The following CDIN1 variants were observed in gnomAD, a reference collection of about 807,000 sequenced individuals.
CDIN1 encodes CDAN1 interacting nuclease 1.
CDIN1 carries 33 observed loss-of-function variants against 45.3 expected under a neutral mutation model. The ratio of observed to expected loss-of-function variants is 0.73; its 90% CI spans 0.55 to 0.97. CDIN1 has a LOEUF of 0.97. Ranked by LOEUF, CDIN1 falls within the 50% of genes least tolerant of loss-of-function variation. The probability of loss-of-function intolerance (pLI) is 0.00; values close to 1 mark genes in which losing one functional copy is unlikely to be tolerated. For synonymous variants in CDIN1, 118 were observed against 124.4 expected, an observed-to-expected ratio of 0.95 and a Z score of 0.34; for missense variants, 303 against 339.4, an observed-to-expected ratio of 0.89 and a Z score of 0.84.
chr15:36,607,111 G>A (rs2038414071), intron 1 of CDIN1, among the ~76,000 whole-genome samples: 1 of 152,158 alleles, frequency 6.6e-6, no homozygotes, highest in Non-Finnish European at 1.5e-5. Context: ...AATTTTAAGT[G>A]TCACTGGAAA....
At chr15:36,619,004 C>T in intron 1 of CDIN1, 2 of 1,499,676 alleles carry the variant, frequency 1.3e-6, no homozygotes, top group South Asian at 2.5e-5. Flanking sequence ...CTTGTGTAGC[C>T]ACTATGGGAA....
At chr15:36,791,299 G>T (rs762057074) in intron 10 of CDIN1, among the ~76,000 whole-genome samples, 1 of 152,152 alleles carries the variant, frequency 6.6e-6, no homozygotes, top group African/African-American at 2.4e-5. Context: ...AATGTCTACT[G>T]TGTGCCATTA....
At chr15:36,689,793 A>ATT (rs2042178419) in intron 5 of CDIN1, among the ~76,000 whole-genome samples, 1 of 152,184 alleles carries the variant, frequency 6.6e-6, no homozygotes, top group Non-Finnish European at 1.5e-5. Context: ...TTCAGAAATA[A>ATT]TTGAGTCCAA....
chr15:36,688,482 T>G (rs2140683473), intron 5 of CDIN1, among the ~76,000 whole-genome samples: 1 of 152,328 alleles, frequency 6.6e-6, no homozygotes, highest in African/African-American at 2.4e-5. Context: ...CTAGCTCCAG[T>G]GACTCATACA....
intron 1 of CDIN1, among the ~76,000 whole-genome samples, chr15:36,590,282 A>G (rs2037513289): frequency 6.6e-6 from 1 of 152,132 alleles, no homozygotes; most frequent in Admixed American, 6.5e-5. Flanking sequence ...AAAATGTTAA[A>G]TTTTCTCAGG....
chr15:36,598,990 G>A (rs570782101), intron 1 of CDIN1, among the ~76,000 whole-genome samples: 2 of 152,170 alleles, frequency 1.3e-5, no homozygotes, highest in African/African-American at 4.8e-5. Flanking sequence ...ACGCTGTATT[G>A]CCTAGCATTG....
chr15:36,763,854 A>G (rs1328690639), intron 10 of CDIN1, among the ~76,000 whole-genome samples: 1 of 152,190 alleles, frequency 6.6e-6, no homozygotes, highest in Admixed American at 6.5e-5. Flanking sequence ...TGTGGCTTCT[A>G]GGAGGCAAAC....
At chr15:36,726,246 C>T (rs1171987945) in intron 10 of CDIN1, among the ~76,000 whole-genome samples, 2 of 152,188 alleles carry the variant, frequency 1.3e-5, no homozygotes, top group Admixed American at 1.3e-4. Context: ...TTCCTATTTT[C>T]TCCACCATTT....
chr15:36,680,849 T>C (rs2041826793), intron 5 of CDIN1, among the ~76,000 whole-genome samples: 1 of 152,182 alleles, frequency 6.6e-6, no homozygotes, highest in Non-Finnish European at 1.5e-5. Flanking sequence ...AAATTTATGC[T>C]CCTGTTTACT....
intron 8 of CDIN1, among the ~76,000 whole-genome samples, chr15:36,703,350 A>ATATATAT (rs1491409839): frequency 6.0e-5 from 5 of 83,906 alleles, no homozygotes; most frequent in African/African-American, 2.8e-4. Flanking sequence ...TCAGATATAT[A>ATATATAT]CATATATCAG....
intron 1 of CDIN1, among the ~76,000 whole-genome samples, chr15:36,606,553 A>G (rs1595734347): frequency 6.6e-6 from 1 of 152,308 alleles, no homozygotes; most frequent in African/African-American, 2.4e-5. Context: ...GCTTTTTATT[A>G]TCTGGTTGAA....
chr15:36,805,430 A>AT (rs2055196836), intron 10 of CDIN1, among the ~76,000 whole-genome samples: 1 of 152,056 alleles, frequency 6.6e-6, no homozygotes, highest in Non-Finnish European at 1.5e-5. Flanking sequence ...AGTCTCTTTG[A>AT]TTTTTATTGG....
chr15:36,637,507 G>T (rs2039949077), intron 1 of CDIN1, among the ~76,000 whole-genome samples: 1 of 152,200 alleles, frequency 6.6e-6, no homozygotes, highest in South Asian at 2.1e-4. Context: ...GAACTCTTCT[G>T]TAGTGTTGGT....
intron 1 of CDIN1, among the ~76,000 whole-genome samples, chr15:36,630,936 A>G: frequency 6.6e-6 from 1 of 152,190 alleles, no homozygotes; most frequent in Non-Finnish European, 1.5e-5. Context: ...GCCACTTATG[A>G]GGGATCTGCC....
chr15:36,753,192 A>G (rs1334481857), intron 10 of CDIN1, among the ~76,000 whole-genome samples: 1 of 152,178 alleles, frequency 6.6e-6, no homozygotes, highest in African/African-American at 2.4e-5. Context: ...AAATAAATTC[A>G]TTTTAGGAAC....
chr15:36,648,100 A>G (rs1037967209), intron 3 of CDIN1, among the ~76,000 whole-genome samples: 2 of 152,094 alleles, frequency 1.3e-5, no homozygotes, highest in Admixed American at 6.5e-5. Flanking sequence ...CGGCCTCCCA[A>G]AGTGCTGGGA....
In CDIN1 at chr15:36,631,976, G is replaced by A. The variant is rs986152140; in HGVS notation, c.102-12302G>A. Among the ~76,000 whole-genome samples, 12 of 152,138 alleles carry A rather than the reference G, an allele frequency of 7.9e-5. No homozygotes were observed. In the South Asian group the frequency reaches 8.3e-4, roughly 11 times the overall value. The stretch of plus-strand genomic sequence containing the variant: ...CTCCCAATTAGCTGGGACTACAGGC[G>A]TGCACCACCACGCCCAGCTAGCTTT... On this transcript the variant is annotated intron_variant, in intron 1 of 10. Transcript: ENST00000566621.
chr15:36,743,478 T>C (rs76413030), intron 10 of CDIN1, among the ~76,000 whole-genome samples: 5,747 of 152,188 alleles, frequency 0.038, 386 homozygotes, highest in African/African-American at 0.13. Flanking sequence ...AATGCAATAA[T>C]CAGAACTAAT....
chr15:36,712,757 A>G (rs1440190008), intron 10 of CDIN1, among the ~76,000 whole-genome samples: 1 of 152,154 alleles, frequency 6.6e-6, no homozygotes, highest in Admixed American at 6.6e-5. Flanking sequence ...AGTAAAGAAC[A>G]TAAGCAGCCG....
Sources: allele counts gnomAD v4.1 joint callset (sites outside exome capture counted in the v4.1 genomes callset), GRCh38; gene constraint gnomAD v4.1.1; transcripts MANE v1.5; gene names NCBI Gene and HGNC (gene_info 2026-07-23, HGNC 2026-07-21).